CTDP1: variants seen among roughly 807,000 people sequenced by gnomAD.
The protein encoded by CTDP1 is CTD phosphatase 1.
Under a neutral mutation model 91.8 loss-of-function variants are expected in CTDP1, and 47 were observed. The observed-to-expected ratio is 0.51, with a 90% CI of 0.41 to 0.65. CTDP1 has a LOEUF of 0.65. Among genes scored for constraint, CTDP1 ranks in the 30% least tolerant of loss-of-function variants. The probability of loss-of-function intolerance (pLI) is 0.00; values close to 1 mark genes in which losing one functional copy is unlikely to be tolerated. For missense variants in CTDP1, 1,272 were observed against 1,373.7 expected (o/e 0.93, Z 1.17); for synonymous variants, 656 against 598.5 (o/e 1.10, Z -1.40).
At chr18:79,732,367 CTCACA>C (rs1835060679) in intron 11 of CTDP1, among the ~76,000 whole-genome samples, 1 of 142,006 alleles carries the variant, frequency 7.0e-6, no homozygotes, top group African/African-American at 2.6e-5. Flanking sequence ...GACATGAGAA[CTCACA>C]TCAGGAGTGC....
At chr18:79,723,086 T>A (rs1232832252) in intron 10 of CTDP1, among the ~76,000 whole-genome samples, 2 of 152,218 alleles carry the variant, frequency 1.3e-5, no homozygotes, top group Non-Finnish European at 2.9e-5. Context: ...CCACTCCACC[T>A]GTATAAACGG....
At chr18:79,701,337 T>C (rs573129414) in intron 4 of CTDP1, among the ~76,000 whole-genome samples, 121 of 152,020 alleles carry the variant, frequency 8.0e-4, no homozygotes, top group African/African-American at 2.3e-3. Flanking sequence ...GGTGAAACCC[T>C]GTCTCTACTA....
chr18:79,743,260 T>A (rs1013924077), intron 12 of CTDP1, among the ~76,000 whole-genome samples: 6 of 151,748 alleles, frequency 4.0e-5, no homozygotes, highest in African/African-American at 1.5e-4. Context: ...GCACGGTGGC[T>A]CATGCTTGTA....
In CTDP1 at chr18:79,713,271, T is replaced by G; in HGVS notation, c.1030+133T>G. On this transcript the variant is annotated intron_variant, in intron 7 of 12. Coordinates refer to ENST00000613122, the MANE Select transcript of CTDP1 (RefSeq NM_004715.5). This position sits in a 1 kb window ranked among gnomAD's most constrained non-coding sequence, Gnocchi z 4.7. ...TTTTTATTTGTGTTTCAGTAGAGAT[T>G]ATTGGATTTATTTATAGAGTACTGA... 1 of 1,002,478 alleles carries G rather than the reference T, an allele frequency of 1.0e-6. No individual in the cohort carries two copies. The highest frequency in any genetic ancestry group is 1.5e-6 in the Non-Finnish European group (1 of 670,084). The allele number at this position is 1,002,478 out of a possible 1,614,324, so 62.1% of individuals were successfully genotyped here. A position where few individuals can be genotyped will look rare whatever the true frequency, so the allele number is the denominator to read the frequency against.
intron 1 of CTDP1, among the ~76,000 whole-genome samples, chr18:79,684,579 C>G (rs1027265657): frequency 6.8e-6 from 1 of 147,862 alleles, no homozygotes; most frequent in African/African-American, 2.6e-5. Flanking sequence ...ATTGTTGTCA[C>G]CAGGCAAGGT....
intron 12 of CTDP1, among the ~76,000 whole-genome samples, chr18:79,740,255 G>T (rs1021170893): frequency 6.6e-6 from 1 of 152,186 alleles, no homozygotes; most frequent in Non-Finnish European, 1.5e-5. Context: ...TTTGCGGATC[G>T]CTGTGGACGT....
intron 12 of CTDP1, among the ~76,000 whole-genome samples, chr18:79,741,222 C>G (rs555736369): frequency 6.6e-6 from 1 of 151,220 alleles, no homozygotes; most frequent in Non-Finnish European, 1.5e-5. Flanking sequence ...CTGAGGTCCC[C>G]CGTGTGGTTG....
chr18:79,739,494 C>T (rs1393875545), intron 12 of CTDP1, among the ~76,000 whole-genome samples: 1 of 152,032 alleles, frequency 6.6e-6, no homozygotes, highest in African/African-American at 2.4e-5. Flanking sequence ...ACCACGCAAG[C>T]ACGGAACTGA....
At chr18:79,743,258 G>C (rs1230789156) in intron 12 of CTDP1, among the ~76,000 whole-genome samples, 1 of 152,004 alleles carries the variant, frequency 6.6e-6, no homozygotes, top group African/African-American at 2.4e-5. Flanking sequence ...GAGCACGGTG[G>C]CTCATGCTTG....
intron 12 of CTDP1, among the ~76,000 whole-genome samples, chr18:79,745,399 C>CCCCGCGTCCCTCCCGTGCGCGTTCTGTG (rs2086865847): frequency 6.5e-5 from 1 of 15,284 alleles, no homozygotes; most frequent in Non-Finnish European, 1.2e-4. Context: ...CGCGTTCTGT[C>CCCCGCGTCCCTCCCGTGCGCGTTCTGTG]CCCGCGTCCC....
intron 10 of CTDP1, among the ~76,000 whole-genome samples, chr18:79,723,721 T>TCATC (rs1393338785): frequency 6.6e-6 from 1 of 152,146 alleles, no homozygotes; most frequent in African/African-American, 2.4e-5. Context: ...CCACACAGAC[T>TCATC]CATCCAGACA....
chr18:79,702,039 G>T (rs1359803366), intron 4 of CTDP1, among the ~76,000 whole-genome samples: 1 of 152,272 alleles, frequency 6.6e-6, no homozygotes, highest in African/African-American at 2.4e-5. Context: ...GGATTTGGAA[G>T]ATTCCATCAA....
intron 10 of CTDP1, among the ~76,000 whole-genome samples, chr18:79,724,734 A>G (rs1355632851): frequency 2.0e-5 from 3 of 152,178 alleles, no homozygotes; most frequent in Non-Finnish European, 4.4e-5. Context: ...TTTTGCTGTG[A>G]AGTTAACTAG....
In CTDP1 at chr18:79,714,642, C is replaced by A; in HGVS notation, c.1182C>A (p.Asp394Glu). The change falls in exon 8 of 13, where the codon GAC becomes GAA. Residue 394 changes from aspartate (D) to glutamate (E), a missense_variant. Coordinates refer to ENST00000613122, the MANE Select transcript of CTDP1 (RefSeq NM_004715.5). ...LNGSEAATPR[D>E]SPRPGKPDER... ...GCAGCGAGGCCGCCACCCCGCGGGA[C>A]TCACCCCGCCCCGGGAAGCCAGACG... The A allele has an allele frequency of 2.5e-6, 4 of 1,612,256 alleles. No individual in the cohort carries two copies. The highest frequency in any genetic ancestry group is 3.4e-6 in the Non-Finnish European group (4 of 1,179,694).
intron 1 of CTDP1, chr18:79,681,590 C>A (rs2085370302): frequency 1.6e-6 from 1 of 631,992 alleles, no homozygotes; most frequent in Non-Finnish European, 2.0e-6. Context: ...TAAAACCAAC[C>A]CAGTGCATCA....
rs2086177762 is a variant in CTDP1, at chr18:79,715,171, T to A, written c.1711T>A (p.Ser571Thr). ...SELSGVTAGE[S>T]LDQSMEEEEE... Reference sequence around the variant, plus strand: ...GCTGTCGGGGGTCACTGCGGGTGAGTCCCTGGACCAGAGCATGGAGGAGGA... The same window carrying A: ...GCTGTCGGGGGTCACTGCGGGTGAGACCCTGGACCAGAGCATGGAGGAGGA... Residue 571 changes from serine (S) to threonine (T), a missense_variant, in exon 8 of 13, where the codon TCC becomes ACC. By Grantham distance (58) the Ser-to-Thr change is moderately conservative (BLOSUM62 1). This residue lies in a region of CTDP1 where 881 missense variants were observed against 911.6 expected (regional missense o/e 0.97). Transcript: ENST00000613122. 2 of 1,612,208 alleles carry A rather than the reference T, an allele frequency of 1.2e-6. No individual in the cohort carries two copies. The highest frequency in any genetic ancestry group is 1.7e-6 in the Non-Finnish European group (2 of 1,179,618).
Position 79,726,179 on chromosome 18 carries a change from G to A in CTDP1, c.2418-2728G>A, listed in dbSNP as rs548168778. On this transcript the variant is annotated intron_variant, in intron 10 of 12. Transcript: ENST00000613122. The stretch of plus-strand genomic sequence containing the variant: ...ATCTCTAAGCTGTGTTCTTTTTCCT[G>A]TTCAGCTCGTTTTCTCTGTTGTCCA... Among the ~76,000 whole-genome samples the A allele has an allele frequency of 2.6e-5, 4 of 152,278 alleles. No individual in the cohort carries two copies. The East Asian group carries it at 5.8e-4, about 22-fold the overall frequency.
At chr18:79,683,155 T>C (rs960737427) in intron 1 of CTDP1, 1 of 152,196 alleles carries the variant, frequency 6.6e-6, no homozygotes, top group Non-Finnish European at 1.5e-5. Context: ...CCCAGGTGTT[T>C]GATTTTTACT....
At chr18:79,681,603 C>T (rs2085370836) in intron 1 of CTDP1, 2 of 459,330 alleles carry the variant, frequency 4.4e-6, no homozygotes, top group Non-Finnish European at 5.7e-6. Context: ...GTGCATCAGT[C>T]AGTCAGCCAG....
Sources: allele counts gnomAD v4.1 joint callset (sites outside exome capture counted in the v4.1 genomes callset), GRCh38; gene constraint gnomAD v4.1.1; regional missense constraint gnomAD v4.1.1; non-coding constraint Gnocchi (gnomAD v3.1); transcripts MANE v1.5; gene names NCBI Gene and HGNC (gene_info 2026-07-23, HGNC 2026-07-21).